The following DOK7 variants were observed in gnomAD, a reference collection of about 807,000 sequenced individuals.
DOK7 encodes protein Dok-7.
DOK7 carries 32 observed loss-of-function variants against 30.7 expected under a neutral mutation model. The observed-to-expected ratio is 1.04, with a 90% confidence interval of 0.79 to 1.40. The LOEUF (loss-of-function observed/expected upper bound fraction) is 1.40. Ranked by LOEUF, DOK7 falls within the 40% of genes most tolerant of loss-of-function variation. The pLI, the probability that DOK7 is intolerant of heterozygous loss-of-function variation, is 0.00. For synonymous variants in DOK7, 447 were observed against 324.1 expected (o/e 1.38, Z -4.07); for missense variants, 1,007 against 699.2 (o/e 1.44, Z -4.97).
At chr4:3,480,368 G>A (rs951190133) in intron 4 of DOK7, among the ~76,000 whole-genome samples, 1 of 152,234 alleles carries the variant, frequency 6.6e-6, no homozygotes, top group Non-Finnish European at 1.5e-5. Flanking sequence ...AGCACTTTGG[G>A]AGGCGGAGGT....
chr4:3,493,023 CCT>C lies in DOK7; in HGVS notation c.1040_1041del (p.Ser347LeufsTer21). ...AGCGGCATCGCCACTGGCAGCCACT[CCT>C]CTTACTCCAGCAGCCTCTCGTCCTA... On this transcript the variant is annotated frameshift_variant, in exon 7 of 7. Coordinates refer to ENST00000340083, the MANE Select transcript of DOK7 (RefSeq NM_173660.5). LOFTEE classifies it low-confidence loss of function (END_TRUNC). The C allele has an allele frequency of 1.3e-6, 2 of 1,569,448 alleles. No individual in the cohort carries two copies. Among genetic ancestry groups the C allele is most frequent in the Non-Finnish European group, 1.7e-6 (2 of 1,162,428 alleles).
At chr4:3,496,874 G>A (rs1728939241), downstream of DOK7, 1 of 1,528,046 alleles carries the variant, frequency 6.5e-7, no homozygotes, top group Non-Finnish European at 8.8e-7. Context: ...TAGGCACCTG[G>A]AGCCAGTCCC....
At chr4:3,499,983 G>A (rs973737889) in intron 6 of DOK7, among the ~76,000 whole-genome samples, 11 of 151,890 alleles carry the variant, frequency 7.2e-5, no homozygotes, top group African/African-American at 2.4e-4. Flanking sequence ...AATTCCTGCA[G>A]GGGAGGCGGC....
intron 2 of DOK7, among the ~76,000 whole-genome samples, chr4:3,472,639 G>A (rs1368438196): frequency 1.3e-5 from 2 of 152,260 alleles, no homozygotes; most frequent in Admixed American, 1.3e-4. Flanking sequence ...ACTGTGCTGT[G>A]CCAGGTTTGA....
chr4:3,463,493 C>A lies in DOK7; in HGVS notation c.55-13C>A, dbSNP rs886038744. On this transcript the variant is annotated splice_polypyrimidine_tract_variant and intron_variant, in intron 1 of 6. Transcript: ENST00000340083. Reference sequence around the variant, plus strand: ...GCGCGGGCGGCGGCTCACGCTCCCCCCTGTCCCCGCAGTGGAAGAGTAGGT... The same window carrying A: ...GCGCGGGCGGCGGCTCACGCTCCCCACTGTCCCCGCAGTGGAAGAGTAGGT... The A allele has an allele frequency of 5.3e-6, 8 of 1,510,314 alleles. No homozygotes were observed. Among genetic ancestry groups the A allele is most frequent in the African/African-American group, 2.9e-5 (2 of 70,052 alleles). The allele number at this position is 1,510,314 out of a possible 1,614,324, so 93.6% of individuals were successfully genotyped here. A position where few individuals can be genotyped will look rare whatever the true frequency, so the allele number is the denominator to read the frequency against.
At chr4:3,490,592 T>C (rs1728273302) in intron 6 of DOK7, among the ~76,000 whole-genome samples, 1 of 34,686 alleles carries the variant, frequency 2.9e-5, no homozygotes. Flanking sequence ...TGCTCATTCC[T>C]TCATTTCTTC....
chr4:3,473,385 T>C (rs1311282896), intron 2 of DOK7, 21 bp from the exon 3 acceptor site: 1 of 1,609,592 alleles, frequency 6.2e-7, no homozygotes, highest in Non-Finnish European at 8.5e-7. Context: ...CTGGCGTCCC[T>C]GACGGCCACG....
rs61452975 is a variant in DOK7, at chr4:3,491,438, A to C, written c.773-1321A>C. Among the ~76,000 whole-genome samples the C allele has an allele frequency of 6.3e-3, 637 of 100,340 alleles. 3 individuals carry two copies. The highest frequency in any genetic ancestry group is 9.9e-3 in the African/African-American group (293 of 29,524). The allele number at this position is 100,340 out of a possible 152,430, so 65.8% of individuals were successfully genotyped here. On this transcript the variant is annotated intron_variant, in intron 6 of 6. Transcript: ENST00000340083. ...TCTTTCCTTCTTCCCCTGCTCATTC[A>C]TTTCTTTCTTCTCTCCCTACTCAAT...
Position 3,492,761 on chromosome 4 carries a change from G to T in DOK7, c.775G>T (p.Asp259Tyr). 6.2e-7 allele frequency: 1 copy of T among 1,612,494 alleles called. No individual in the cohort carries two copies. The highest frequency in any genetic ancestry group is 8.5e-7 in the Non-Finnish European group (1 of 1,179,980). ...SHAGRPGSGG[D>Y]DRSLSSSSSE... ...CTTGGCTTCCTGCTCTGTCTCAGGG[G>T]ATGACCGCAGCCTGTCCAGCTCATC... The change falls in exon 7 of 7, where the codon GAT (aspartate) becomes TAT (tyrosine). Residue 259 changes from aspartate (D) to tyrosine (Y), a missense_variant and splice_region_variant. By Grantham distance (160) the Asp-to-Tyr change is radical. Coordinates refer to ENST00000340083, the MANE Select transcript of DOK7 (RefSeq NM_173660.5).
At chr4:3,463,741 C>T (rs1044723754) in intron 2 of DOK7, among the ~76,000 whole-genome samples, 190 bp downstream of exon 2, 7 of 152,224 alleles carry the variant, frequency 4.6e-5, no homozygotes, top group African/African-American at 1.7e-4. Flanking sequence ...CGGAAGAACC[C>T]TCTTTCCAGC....
At chr4:3,500,752 T>G in exon 8 of DOK7, 4 of 1,527,964 alleles carry the variant, frequency 2.6e-6, no homozygotes, top group South Asian at 1.2e-5. Context: ...GCGCACAGAG[T>G]GGGGGTGCGG....
chr4:3,476,263 ATGCCCTCTCACCCCACCCGCCCG>A lies in DOK7; in HGVS notation c.332-76_332-54del. 4 of 318,144 alleles carry A rather than the reference ATGCCCTCTCACCCCACCCGCCCG, an allele frequency of 1.3e-5. 2 individuals are homozygous for A. Among genetic ancestry groups the A allele is most frequent in the East Asian group, 3.5e-4 (2 of 5,792 alleles). The allele number at this position is 318,144 out of a possible 1,614,324, so 19.7% of individuals were successfully genotyped here. A position where few individuals can be genotyped will look rare whatever the true frequency, so the allele number is the denominator to read the frequency against. On this transcript the variant is annotated intron_variant, in intron 3 of 6. Coordinates refer to ENST00000340083, the MANE Select transcript of DOK7 (RefSeq NM_173660.5). ...TGCCCTCTCACCCCACCCGCCCGTG[ATGCCCTCTCACCCCACCCGCCCG>A]TGATGTCCTCTCACCCTGCCCGCCC...
At chr4:3,486,277 C>T (rs749273759) in intron 5 of DOK7, among the ~76,000 whole-genome samples, 8 of 152,234 alleles carry the variant, frequency 5.3e-5, no homozygotes, top group South Asian at 2.1e-4. Context: ...TGCCTGGGCA[C>T]GGTGGGGCTC....
chr4:3,494,658 AGGCAGCTCCG>A (rs1444431295), downstream of DOK7, among the ~76,000 whole-genome samples: 1 of 149,474 alleles, frequency 6.7e-6, no homozygotes, highest in South Asian at 2.1e-4. Context: ...GTGTGCGGAG[AGGCAGCTCCG>A]GGCAGCCCCC....
exon 8 of DOK7, chr4:3,500,775 C>T (rs777433060): frequency 7.8e-6 from 12 of 1,534,632 alleles, no homozygotes; most frequent in Middle Eastern, 1.9e-4. Flanking sequence ...CGCACGGGCC[C>T]GGGAGGAGCA....
chr4:3,498,139 G>A (rs1035617216), downstream of DOK7, among the ~76,000 whole-genome samples: 17 of 152,190 alleles, frequency 1.1e-4, no homozygotes, highest in African/African-American at 3.9e-4. Context: ...GGGTCTGGGA[G>A]GAGAGTGCAG....
downstream of DOK7, among the ~76,000 whole-genome samples, chr4:3,498,941 G>C (rs114949576): frequency 2.8e-3 from 431 of 152,348 alleles, 4 homozygotes; most frequent in African/African-American, 0.01. Flanking sequence ...CTCTGTCCCA[G>C]CTGCTGCCTG....
chr4:3,476,331 C>T lies in DOK7; in HGVS notation c.332-11C>T. ...CCGCCCGTGATGCCCTCTTGCCCCG[C>T]CTGCCCGCAGTGCATAGGTTCCATG... On this transcript the variant is annotated splice_polypyrimidine_tract_variant and intron_variant, in intron 3 of 6. Coordinates refer to ENST00000340083, the MANE Select transcript of DOK7 (RefSeq NM_173660.5). The T allele has an allele frequency of 6.2e-7, 1 of 1,602,974 alleles. No individual in the cohort carries two copies. Among genetic ancestry groups the T allele is most frequent in the South Asian group, 1.1e-5 (1 of 90,832 alleles).
chr4:3,477,322 C>A lies in DOK7; in HGVS notation c.532+780C>A, dbSNP rs561228884. The stretch of plus-strand genomic sequence containing the variant: ...GCCGGGCTGAAGGCGGGCAGAGGGA[C>A]CTCCTGTGGGCCTGGTTTGGGGCTG... On this transcript the variant is annotated intron_variant, in intron 4 of 6. Transcript: ENST00000340083. 3.3e-5 allele frequency among the ~76,000 whole-genome samples: 5 copies of A among 152,376 alleles called. No individual in the cohort carries two copies. In the South Asian group the frequency reaches 1.0e-3, roughly 32 times the overall value.
Sources: allele counts gnomAD v4.1 joint callset (sites outside exome capture counted in the v4.1 genomes callset), GRCh38; gene constraint gnomAD v4.1.1; transcripts MANE v1.5; gene names NCBI Gene and HGNC (gene_info 2026-07-23, HGNC 2026-07-21).